The following VWF variants were observed in gnomAD, a reference collection of about 807,000 sequenced individuals.
The protein encoded by VWF is von Willebrand factor.
Under a neutral mutation model 308.6 loss-of-function variants are expected in VWF, and 176 were observed. That is an observed-to-expected ratio of 0.57 (90% CI 0.50 to 0.65). The LOEUF (loss-of-function observed/expected upper bound fraction) is 0.65. Ranked by LOEUF, VWF falls within the 30% of genes least tolerant of loss-of-function variation. The pLI, the probability that VWF is intolerant of heterozygous loss-of-function variation, is 0.00. For synonymous variants in VWF, 1,385 were observed against 1,443.4 expected, an observed-to-expected ratio of 0.96 and a Z score of 0.92; for missense variants, 3,146 against 3,648.2, an observed-to-expected ratio of 0.86 and a Z score of 3.55.
At chr12:6,071,952 T>A (rs889496154) in intron 9 of VWF, among the ~76,000 whole-genome samples, 2 of 152,062 alleles carry the variant, frequency 1.3e-5, no homozygotes, top group African/African-American at 4.8e-5. Context: ...CACTGCAACT[T>A]CCTACCACCT....
intron 34 of VWF, among the ~76,000 whole-genome samples, chr12:5,998,833 A>T (rs981829557): frequency 4.6e-5 from 7 of 152,026 alleles, no homozygotes; most frequent in Non-Finnish European, 8.8e-5. Flanking sequence ...GGTTCAGGCG[A>T]TTCTCCTGCC....
Position 6,012,148 on chromosome 12 carries a change from A to G in VWF, c.5621-18T>C. On this transcript the variant is annotated intron_variant, in intron 32 of 51. Transcript: ENST00000261405. ...AACAAATCCTGCAACAGACACAAAT[A>G]AGACCTTAGTTCCCATCTTTCACCC... The G allele has an allele frequency of 1.2e-6, 2 of 1,613,846 alleles. No homozygotes were observed. Among genetic ancestry groups the G allele is most frequent in the Non-Finnish European group, 1.7e-6 (2 of 1,179,758 alleles).
At chr12:5,965,694 C>T (rs982645384) in intron 47 of VWF, among the ~76,000 whole-genome samples, 1 of 152,160 alleles carries the variant, frequency 6.6e-6, no homozygotes, top group Non-Finnish European at 1.5e-5. Context: ...CAGTTCAAGC[C>T]GACCTACCTA....
At position 5,985,574 on chromosome 12, in the gene VWF, G is replaced by GGGCA; in HGVS notation, c.6886_6889dup (p.Pro2297LeufsTer13). 1.2e-6 allele frequency: 2 copies of GGGCA among 1,613,960 alleles called. No homozygotes were observed. Among genetic ancestry groups the GGGCA allele is most frequent in the Non-Finnish European group, 1.7e-6 (2 of 1,180,026 alleles). ...GGGAGGACTCTCACCTTTGGCCGTGGGGCAGGGCTGCGTTGTGCAGTTGAC... is the reference window on the plus strand; with the variant it reads ...GGGAGGACTCTCACCTTTGGCCGTGGGGCAGGCAGGGCTGCGTTGTGCAGTTGAC... On this transcript the variant is annotated frameshift_variant, in exon 39 of 52. Coordinates refer to ENST00000261405, the MANE Select transcript of VWF (RefSeq NM_000552.5). LOFTEE classifies it high-confidence loss of function.
At chr12:5,949,430 T>TTTTTATGCATGTTAATGCATAAAATG in intron 51 of VWF, among the ~76,000 whole-genome samples, 1 of 152,326 alleles carries the variant, frequency 6.6e-6, no homozygotes, top group Non-Finnish European at 1.5e-5. Context: ...CTAGCTGCAA[T>TTTTTATGCATGTTAATGCATAAAATG]TTTTATGCAT....
intron 34 of VWF, among the ~76,000 whole-genome samples, chr12:6,000,748 C>T (rs1376892417): frequency 5.1e-5 from 7 of 136,072 alleles, no homozygotes; most frequent in Non-Finnish European, 7.6e-5. Flanking sequence ...GGAGGCGGAG[C>T]TTGCAGTGAG....
At chr12:6,047,061 A>G (rs987622410) in intron 16 of VWF, among the ~76,000 whole-genome samples, 4 of 150,684 alleles carry the variant, frequency 2.7e-5, no homozygotes, top group African/African-American at 7.3e-5. Flanking sequence ...TGAACACTCC[A>G]CTCTTCTAGA....
intron 40 of VWF, 101 bp from the exon 41 acceptor site, chr12:5,983,355 T>C (rs1943630526): frequency 8.6e-7 from 1 of 1,165,080 alleles, no homozygotes; most frequent in Admixed American, 2.0e-5. Context: ...AGACTTCTAC[T>C]GTTTTAGGTA....
intron 5 of VWF, among the ~76,000 whole-genome samples, chr12:6,102,003 G>A (rs1835044766): frequency 6.6e-6 from 1 of 152,104 alleles, no homozygotes. Flanking sequence ...ATGGGGGAGG[G>A]CGGAATTTTC....
intron 6 of VWF, among the ~76,000 whole-genome samples, chr12:6,092,608 AGTGAGTGAGAGTGT>A (rs1945051856): frequency 1.6e-5 from 1 of 62,114 alleles, no homozygotes; most frequent in Non-Finnish European, 3.0e-5. Context: ...CTAGTTAGTG[AGTGAGTGAGAGTGT>A]GTGTGTGTGT....
At chr12:6,072,618 A>G (rs143888174) in intron 8 of VWF, among the ~76,000 whole-genome samples, 176 bp from the exon 9 acceptor site, 2 of 152,280 alleles carry the variant, frequency 1.3e-5, no homozygotes, top group African/African-American at 2.4e-5. Context: ...CCTCATCTCC[A>G]TTACTACAGA....
At chr12:6,088,832 C>T (rs563665206) in intron 6 of VWF, among the ~76,000 whole-genome samples, 46 of 152,336 alleles carry the variant, frequency 3.0e-4, no homozygotes, top group Admixed American at 1.1e-3. Context: ...TGCAAATTTG[C>T]ATGCAATCAA....
chr12:6,092,342 G>C (rs933843251), intron 6 of VWF, among the ~76,000 whole-genome samples: 1 of 151,278 alleles, frequency 6.6e-6, no homozygotes, highest in Non-Finnish European at 1.5e-5. Flanking sequence ...CCCTTTTTGC[G>C]GGTTTTTTTT....
intron 22 of VWF, among the ~76,000 whole-genome samples, chr12:6,027,205 C>T (rs1422590755): frequency 6.6e-6 from 1 of 152,118 alleles, no homozygotes; most frequent in Non-Finnish European, 1.5e-5. Flanking sequence ...CCATTACCCC[C>T]AAGTCCCTCC....
At chr12:6,111,320 G>A (rs1283306670) in intron 3 of VWF, among the ~76,000 whole-genome samples, 1 of 152,134 alleles carries the variant, frequency 6.6e-6, no homozygotes, top group African/African-American at 2.4e-5. Context: ...AAACAAAAAG[G>A]CAACACTGTG....
chr12:5,981,937 C>T lies in VWF; in HGVS notation c.7136G>A (p.Arg2379His), dbSNP rs758156301. The change falls in exon 42 of 52, where the codon CGT becomes CAT. Residue 2379 changes from arginine to histidine, a missense_variant. This residue lies in a region of VWF where 989 missense variants were observed against 1,117.4 expected (regional missense o/e 0.89). Coordinates refer to ENST00000261405, the MANE Select transcript of VWF (RefSeq NM_000552.5). ...RVSPPSCPPH[R>H]LPTLRKTQCC... ...CTGGGTCTTCCGAAGGGTGGGCAAA[C>T]GGTGCGGGGGGCAGGAGGGTGGGGA... The T allele has an allele frequency of 8.7e-5, 83 of 951,382 alleles. No homozygotes were observed. Among genetic ancestry groups the T allele is most frequent in the African/African-American group, 1.0e-4 (6 of 57,388 alleles). The allele number at this position is 951,382 out of a possible 1,614,324, so 58.9% of individuals were successfully genotyped here.
chr12:5,985,492 ATGGG>A (rs1217250443), intron 39 of VWF, 67 bp downstream of exon 39: 83 of 1,495,088 alleles, frequency 5.6e-5, no homozygotes, highest in Non-Finnish European at 7.5e-5. Flanking sequence ...AGAGGTGAAG[ATGGG>A]TGGCTGGGGG....
rs1189937384 is a variant in VWF, at chr12:6,044,445, C to T, written c.2288G>A (p.Arg763Lys). The part of the protein sequence containing the change: ...LSSPLSHRSK[R>K]SLSCRPPMVK... The stretch of plus-strand genomic sequence containing the variant: ...CATGGGGGGCCGACAGGATAGGCTC[C>T]TTTTGCCTCGAAGGTAGGAAAAGCA... Residue 763 changes from arginine (R) to lysine (K), a missense_variant, in exon 18 of 52, where the codon AGG becomes AAG. By Grantham distance (26) the Arg-to-Lys change is conservative (BLOSUM62 2). This residue lies in a region of VWF where 1,304 missense variants were observed against 1,353.0 expected (regional missense o/e 0.96). Transcript: ENST00000261405. 3 of 1,614,134 alleles carry T rather than the reference C, an allele frequency of 1.9e-6. No individual in the cohort carries two copies. In the African/African-American group the frequency reaches 4.0e-5, roughly 22 times the overall value.
chr12:5,960,848 CA>C (rs1222078872), intron 47 of VWF, among the ~76,000 whole-genome samples: 2 of 152,180 alleles, frequency 1.3e-5, no homozygotes, highest in African/African-American at 4.8e-5. Context: ...TGCTATAGGA[CA>C]GGGGGCCCCA....
Sources: gnomAD v4.1 joint callset for allele counts (sites outside exome capture counted in the v4.1 genomes callset) on GRCh38, gnomAD v4.1.1 for gene constraint, gnomAD v4.1.1 regional missense constraint, MANE v1.5 for transcripts, NCBI Gene and HGNC (gene_info 2026-07-23, HGNC 2026-07-21) for gene names.